CELSR1: variants seen among roughly 807,000 people sequenced by gnomAD.
CELSR1 encodes cadherin EGF LAG seven-pass G-type receptor 1.
A neutral mutation model predicts 249.1 loss-of-function variants in CELSR1; 110 were observed. The ratio of observed to expected loss-of-function variants is 0.44; its 90% CI spans 0.38 to 0.52. The LOEUF is 0.52. Ranked by LOEUF, CELSR1 falls within the 20% of genes least tolerant of loss-of-function variation. CELSR1 has a pLI of 0.00. For synonymous variants in CELSR1, 2,113 were observed against 1,900.0 expected (o/e 1.11, Z -2.92); for missense variants, 4,109 against 4,296.4 (o/e 0.96, Z 1.22).
chr22:46,523,027 C>A (rs572988261), intron 1 of CELSR1, among the ~76,000 whole-genome samples: 5 of 152,192 alleles, frequency 3.3e-5, no homozygotes, highest in Admixed American at 2.0e-4. Context: ...TGATGAAAAC[C>A]GCCCTGCAAC....
At chr22:46,449,209 C>T (rs2079853522) in intron 2 of CELSR1, among the ~76,000 whole-genome samples, 1 of 151,820 alleles carries the variant, frequency 6.6e-6, no homozygotes, top group African/African-American at 2.4e-5. Flanking sequence ...ATCCATCCAT[C>T]CGACCACCCA....
intron 1 of CELSR1, among the ~76,000 whole-genome samples, chr22:46,479,156 C>CCAAGG (rs2080240873): frequency 1.3e-5 from 2 of 151,938 alleles, no homozygotes; most frequent in Non-Finnish European, 2.9e-5. Flanking sequence ...ATGCTCACAC[C>CCAAGG]TGCGGCTGGT....
intron 31 of CELSR1, 26 bp from the exon 32 acceptor site, chr22:46,365,406 G>A (rs377019684): frequency 1.2e-6 from 2 of 1,610,332 alleles, no homozygotes; most frequent in Non-Finnish European, 1.7e-6. Flanking sequence ...GGACAGGGAG[G>A]CTCAGGCCCT....
chr22:46,520,702 TCCACCTGCCTC>T (rs1325081862), intron 1 of CELSR1, among the ~76,000 whole-genome samples: 1 of 152,104 alleles, frequency 6.6e-6, no homozygotes, highest in Non-Finnish European at 1.5e-5. Context: ...CCTCATGTGA[TCCACCTGCCTC>T]GGCCTCCCAA....
chr22:46,400,795 T>C (rs181582789), intron 9 of CELSR1, among the ~76,000 whole-genome samples: 1 of 151,818 alleles, frequency 6.6e-6, no homozygotes, highest in Non-Finnish European at 1.5e-5. Context: ...CTACTAAAAA[T>C]ACAAAAATTA....
chr22:46,465,329 C>G (rs929682080), intron 1 of CELSR1, among the ~76,000 whole-genome samples: 5 of 151,928 alleles, frequency 3.3e-5, no homozygotes, highest in African/African-American at 1.2e-4. Context: ...CCATGAGGCC[C>G]CCTGCCCATG....
In CELSR1 at chr22:46,454,044, C is replaced by T. The variant is rs116060304; in HGVS notation, c.4183+9663G>A. Among the ~76,000 whole-genome samples, 1,101 of 152,306 alleles carry T rather than the reference C, an allele frequency of 7.2e-3. 10 individuals are homozygous for T. The highest frequency in any genetic ancestry group is 0.025 in the African/African-American group (1,037 of 41,552). On this transcript the variant is annotated intron_variant, in intron 2 of 34. Transcript: ENST00000674500. This position sits in a 1 kb window ranked among gnomAD's most constrained non-coding sequence, Gnocchi z 5.1. ...AGGATCTTGAGACGGGGCAGTCATC[C>T]TGCATTACTGTGTGGCCCCAAAGTC...
chr22:46,503,018 G>A (rs917319916), intron 1 of CELSR1, among the ~76,000 whole-genome samples: 6 of 152,170 alleles, frequency 3.9e-5, no homozygotes, highest in African/African-American at 1.4e-4. Flanking sequence ...CACTCCATGG[G>A]CAACTCCAGG....
Position 46,391,333 on chromosome 22 carries a change from C to A in CELSR1, c.6149-46G>T. On this transcript the variant is annotated intron_variant, in intron 15 of 34. Transcript: ENST00000674500. This position sits in a 1 kb window ranked among gnomAD's most constrained non-coding sequence, Gnocchi z 4.3. ...GTCTGCTCAGCGGGGCACGCCACAC[C>A]CACGACCACAAACAGGCACCACTGT... 1 of 1,547,044 alleles carries A rather than the reference C, an allele frequency of 6.5e-7. No homozygotes were observed. Among genetic ancestry groups the A allele is most frequent in the Middle Eastern group, 1.7e-4 (1 of 5,934 alleles).
At position 46,402,925 on chromosome 22, in the gene CELSR1, C is replaced by G. The variant is rs183956286; in HGVS notation, c.5227-3023G>C. ...ATATTATACCTGAAATATAAGGATA[C>G]AGAAAATGTTGAAAGTAAAAGGATA... On this transcript the variant is annotated intron_variant, in intron 9 of 34. Transcript: ENST00000674500. The surrounding 1 kb of genome is among the most constrained non-coding windows in gnomAD (Gnocchi z 5.0). Among the ~76,000 whole-genome samples, 1 of 151,996 alleles carries G rather than the reference C, an allele frequency of 6.6e-6. No individual in the cohort carries two copies.
At chr22:46,524,304 T>C (rs1440073442) in intron 1 of CELSR1, among the ~76,000 whole-genome samples, 1 of 152,126 alleles carries the variant, frequency 6.6e-6, no homozygotes, top group Non-Finnish European at 1.5e-5. Flanking sequence ...CACTTCTCAA[T>C]CACCCCTGCT....
At chr22:46,476,248 T>C (rs555647122) in intron 1 of CELSR1, among the ~76,000 whole-genome samples, 4 of 152,294 alleles carry the variant, frequency 2.6e-5, no homozygotes, top group South Asian at 2.1e-4. Context: ...CACCAATGTA[T>C]GAATGGACAA....
intron 18 of CELSR1, among the ~76,000 whole-genome samples, chr22:46,388,402 G>A (rs1023391212): frequency 4.6e-5 from 7 of 152,140 alleles, no homozygotes; most frequent in Non-Finnish European, 7.4e-5. Context: ...TGTTTGTGGA[G>A]TCACGCATGG....
In CELSR1 at chr22:46,500,197, G is replaced by A. The variant is rs545233426; in HGVS notation, c.3544+33430C>T. ...CAGCATGATCCCACCCCAGCCCCTG[G>A]TCCTCCCAGCATTGCTCAGCAGGAA... On this transcript the variant is annotated intron_variant, in intron 1 of 34. Transcript: ENST00000674500. This position sits in a 1 kb window ranked among gnomAD's most constrained non-coding sequence, Gnocchi z 4.9. 6.6e-6 allele frequency among the ~76,000 whole-genome samples: 1 copy of A among 151,370 alleles called. No individual in the cohort carries two copies. Among genetic ancestry groups the A allele is most frequent in the Non-Finnish European group, 1.5e-5 (1 of 67,888 alleles).
Position 46,488,580 on chromosome 22 carries a change from G to A in CELSR1, c.3545-24235C>T, listed in dbSNP as rs1208659722. On this transcript the variant is annotated intron_variant, in intron 1 of 34. Coordinates refer to ENST00000674500, the MANE Select transcript of CELSR1 (RefSeq NM_001378328.1). This position sits in a 1 kb window ranked among gnomAD's most constrained non-coding sequence, Gnocchi z 4.7. The stretch of plus-strand genomic sequence containing the variant: ...GCTGAGGGACACAAAAAGAACAAAC[G>A]CACCCCCCGCGCCACAGTGGAAAGT... 7.2e-5 allele frequency among the ~76,000 whole-genome samples: 11 copies of A among 151,994 alleles called. No homozygotes were observed. The highest frequency in any genetic ancestry group is 5.8e-4 in the East Asian group (3 of 5,174).
In CELSR1 at chr22:46,427,674, C is replaced by G. The variant is rs1293991451; in HGVS notation, c.4611+5719G>C. On this transcript the variant is annotated intron_variant, in intron 5 of 34. Transcript: ENST00000674500. This position sits in a 1 kb window ranked among gnomAD's most constrained non-coding sequence, Gnocchi z 4.2. ...TGTTGACGTTCCGCTGTCGGAGGAC[C>G]TTATATTCTATTAAATACCTTCCAA... 6.6e-6 allele frequency among the ~76,000 whole-genome samples: 1 copy of G among 152,222 alleles called. No homozygotes were observed. The highest frequency in any genetic ancestry group is 1.9e-4 in the East Asian group (1 of 5,194).
rs990082557 is a variant in CELSR1 at position 46,484,107 on chromosome 22, G to A, written c.3545-19762C>T. On this transcript the variant is annotated intron_variant, in intron 1 of 34. Coordinates refer to ENST00000674500, the MANE Select transcript of CELSR1 (RefSeq NM_001378328.1). This position sits in a 1 kb window ranked among gnomAD's most constrained non-coding sequence, Gnocchi z 4.5. ...TGGCTCTCAGACTCACCTGTAGGGA[G>A]GAGCGCCCCAGGCCTTCCGCCCAGA... 6.6e-6 allele frequency among the ~76,000 whole-genome samples: 1 copy of A among 152,220 alleles called. No individual in the cohort carries two copies. The highest frequency in any genetic ancestry group is 2.4e-5 in the African/African-American group (1 of 41,458).
At position 46,412,910 on chromosome 22, in the gene CELSR1, G is replaced by A. The variant is rs1485048525; in HGVS notation, c.4612-1151C>T. On this transcript the variant is annotated intron_variant, in intron 5 of 34. Transcript: ENST00000674500. The surrounding 1 kb of genome is among the most constrained non-coding windows in gnomAD (Gnocchi z 4.5). Reference sequence around the variant, plus strand: ...GTGACGATGAGCCAGGAGATCGCCAGGCAAGTGCCACCATGCCCCACAATT... The same window carrying A: ...GTGACGATGAGCCAGGAGATCGCCAAGCAAGTGCCACCATGCCCCACAATT... 1.3e-5 allele frequency among the ~76,000 whole-genome samples: 2 copies of A among 152,210 alleles called. No individual in the cohort carries two copies. The highest frequency in any genetic ancestry group is 2.9e-5 in the Non-Finnish European group (2 of 68,036).
Position 46,535,120 on chromosome 22 carries a change from T to A in CELSR1, c.2051A>T (p.Asp684Val). Residue 684 changes from aspartate (D) to valine (V), a missense_variant, in exon 1 of 35, where the codon GAC becomes GTC. Around this residue, in one of 7 missense-constraint regions of CELSR1, gnomAD observed 886 missense variants for 896.5 expected, o/e 0.99. Transcript: ENST00000674500. ...GTAGGTGGGCTGCGTGAACACCGGG[T>A]CGTTGTCATTCACGTCCAGCACCGT... ...SITVLDVNDN[D>V]PVFTQPTYEL... 1 of 1,611,232 alleles carries A rather than the reference T, an allele frequency of 6.2e-7. No homozygotes were observed. The highest frequency in any genetic ancestry group is 1.1e-5 in the South Asian group (1 of 91,010).
Sources: gnomAD v4.1 joint callset for allele counts (sites outside exome capture counted in the v4.1 genomes callset) on GRCh38, gnomAD v4.1.1 for gene constraint, gnomAD v4.1.1 regional missense constraint, Gnocchi (gnomAD v3.1) non-coding constraint, MANE v1.5 for transcripts, NCBI Gene and HGNC (gene_info 2026-07-23, HGNC 2026-07-21) for gene names.